SLC26A4: variants seen among roughly 807,000 people sequenced by gnomAD.
The protein encoded by SLC26A4 is solute carrier family 26 member 4, also known as pendrin.
A neutral mutation model predicts 90.4 loss-of-function variants in SLC26A4; 93 were observed. The ratio of observed to expected loss-of-function variants is 1.03; its 90% CI spans 0.87 to 1.22. The LOEUF (loss-of-function observed/expected upper bound fraction) is 1.22, where lower values mean the gene tolerates loss of function less well. Ranked by LOEUF, SLC26A4 falls within the 50% of genes most tolerant of loss-of-function variation. SLC26A4 has a pLI of 0.00. For synonymous variants in SLC26A4, 393 were observed against 354.6 expected, an observed-to-expected ratio of 1.11 and a Z score of -1.22; for missense variants, 1,127 against 946.2, an observed-to-expected ratio of 1.19 and a Z score of -2.51.
In SLC26A4 at chr7:107,678,063, G is replaced by A. The variant is rs116220621; in HGVS notation, c.765+2954G>A. ...CTAATGTGTTGGGATTATAGGTGTG[G>A]GCCACTGCACCTGGCCAATCCTTAG... On this transcript the variant is annotated intron_variant, in intron 6 of 20. Coordinates refer to ENST00000644269, the MANE Select transcript of SLC26A4 (RefSeq NM_000441.2). Among the ~76,000 whole-genome samples, 437 of 152,142 alleles carry A rather than the reference G, an allele frequency of 2.9e-3. 1 individual carries two copies. The highest frequency in any genetic ancestry group is 0.01 in the African/African-American group (426 of 41,482).
At chr7:107,671,237 G>A (rs537430927) in intron 3 of SLC26A4, among the ~76,000 whole-genome samples, 21 of 152,190 alleles carry the variant, frequency 1.4e-4, no homozygotes, top group African/African-American at 4.8e-4. Flanking sequence ...ATCATAGCTT[G>A]CTGTAACCTC....
chr7:107,684,140 C>A (rs1257546373), intron 8 of SLC26A4, among the ~76,000 whole-genome samples: 1 of 152,176 alleles, frequency 6.6e-6, no homozygotes, highest in African/African-American at 2.4e-5. Flanking sequence ...GAAGCCTCAA[C>A]TCAAGCTTAT....
intron 6 of SLC26A4, among the ~76,000 whole-genome samples, chr7:107,675,704 G>C (rs1290041518): frequency 6.6e-6 from 1 of 151,538 alleles, no homozygotes; most frequent in African/African-American, 2.4e-5. Context: ...CTCCTGAGTA[G>C]CTGGGATTAC....
chr7:107,696,840 A>G (rs1234249600), intron 13 of SLC26A4, among the ~76,000 whole-genome samples: 1 of 152,126 alleles, frequency 6.6e-6, no homozygotes, highest in African/African-American at 2.4e-5. Flanking sequence ...TCCCTCCTCA[A>G]TGTGTCCATC....
In SLC26A4 at chr7:107,702,000, G is replaced by T; in HGVS notation, c.1977G>T (p.Val659=). ...NVPKVPIHSL[V]LDCGAISFLD... is the part of the protein sequence containing the mutation. The stretch of plus-strand genomic sequence containing the variant: ...CCAAAGTGCCAATCCATAGCCTTGT[G>T]CTTGACTGTGGAGCTATATCTTTCC... Residue 659 remains valine, a synonymous_variant, in exon 17 of 21, where the codon GTG becomes GTT. Coordinates refer to ENST00000644269, the MANE Select transcript of SLC26A4 (RefSeq NM_000441.2). 1.2e-6 allele frequency: 2 copies of T among 1,614,096 alleles called. No homozygotes were observed. The highest frequency in any genetic ancestry group is 1.7e-6 in the Non-Finnish European group (2 of 1,179,980).
rs551927592 is a variant in SLC26A4, at chr7:107,696,381, A to G, written c.1544+342A>G. ...GCTGTGCTCTCCTTTTAGTTGTGGTAAGACTAAAAAGTACATAGTTTAGCC... is the reference window on the plus strand; with the variant it reads ...GCTGTGCTCTCCTTTTAGTTGTGGTGAGACTAAAAAGTACATAGTTTAGCC... On this transcript the variant is annotated intron_variant, in intron 13 of 20. Coordinates refer to ENST00000644269, the MANE Select transcript of SLC26A4 (RefSeq NM_000441.2). 2.6e-5 allele frequency among the ~76,000 whole-genome samples: 4 copies of G among 152,330 alleles called. No individual in the cohort carries two copies. In the South Asian group the frequency reaches 8.3e-4, roughly 32 times the overall value.
chr7:107,676,964 A>G (rs1486067371), intron 6 of SLC26A4, among the ~76,000 whole-genome samples: 3 of 152,322 alleles, frequency 2.0e-5, no homozygotes, highest in African/African-American at 7.2e-5. Flanking sequence ...ACTTGATCCC[A>G]TGAGTTCAAG....
rs786204739 is a variant in SLC26A4 at position 107,698,083 on chromosome 7, T to G, written c.1586T>G (p.Ile529Ser). The G allele has an allele frequency of 1.9e-6, 3 of 1,610,144 alleles. No homozygotes were observed. In the East Asian group the frequency reaches 6.7e-5, roughly 36 times the overall value. ...CTTGGAAGCATCCCTAGCACAGATA[T>G]CTACAAAAGTACCAAGAATTACAAA... Reference protein sequence around the residue: ...NGLGSIPSTDIYKSTKNYKNI... With the variant: ...NGLGSIPSTDSYKSTKNYKNI... The change falls in exon 14 of 21, where the codon ATC becomes AGC. Residue 529 changes from isoleucine to serine, a missense_variant. Ile to Ser is a moderately radical substitution (Grantham distance 142). Coordinates refer to ENST00000644269, the MANE Select transcript of SLC26A4 (RefSeq NM_000441.2).
rs1474513354 is a variant in SLC26A4 at position 107,704,357 on chromosome 7, T to C, written c.2061T>C (p.Asp687=). The C allele has an allele frequency of 7.1e-7, 1 of 1,403,902 alleles. No individual in the cohort carries two copies. 87.0% of individuals were successfully genotyped at this position (1,403,902 alleles called of 1,614,324 possible). ...RVIVKEFQRI[D]VNVYFASLQD... is the part of the protein sequence containing the mutation. ...TTGTCAAAGAATTCCAAAGAATTGATGTGAATGTGTATTTTGCATCACTTC... is the reference window on the plus strand; with the variant it reads ...TTGTCAAAGAATTCCAAAGAATTGACGTGAATGTGTATTTTGCATCACTTC... Residue 687 remains aspartate, a synonymous_variant, in exon 18 of 21, where the codon GAT becomes GAC. Coordinates refer to ENST00000644269, the MANE Select transcript of SLC26A4 (RefSeq NM_000441.2).
At chr7:107,669,917 A>G (rs181220231) in intron 3 of SLC26A4, among the ~76,000 whole-genome samples, 1 of 152,268 alleles carries the variant, frequency 6.6e-6, no homozygotes, top group East Asian at 1.9e-4. Context: ...ATTCAGGATA[A>G]TTGTTGCCTT....
At chr7:107,686,910 G>A (rs117136468) in intron 8 of SLC26A4, among the ~76,000 whole-genome samples, 258 of 152,280 alleles carry the variant, frequency 1.7e-3, no homozygotes, top group Admixed American at 4.1e-3. Context: ...CTTTGCAGTT[G>A]TACTTGAAAG....
chr7:107,683,607 C>G, intron 8 of SLC26A4, 70 bp downstream of exon 8: 2 of 1,196,252 alleles, frequency 1.7e-6, no homozygotes, highest in Non-Finnish European at 2.5e-6. Flanking sequence ...TTAAATAAAA[C>G]CTTTTATTAC....
In SLC26A4 at chr7:107,672,256, T is replaced by C. The variant is rs750966915; in HGVS notation, c.415+8T>C. The C allele has an allele frequency of 6.6e-7, 1 of 1,514,524 alleles. No individual in the cohort carries two copies. The highest frequency in any genetic ancestry group is 9.2e-7 in the Non-Finnish European group (1 of 1,089,720). The allele number at this position is 1,514,524 out of a possible 1,614,324, so 93.8% of individuals were successfully genotyped here. A position where few individuals can be genotyped will look rare whatever the true frequency, so the allele number is the denominator to read the frequency against. ...CAAGACATATCTCAGTTGGTAATTA[T>C]AAGTATATTTTACAATTATATTTGC... On this transcript the variant is annotated splice_region_variant and intron_variant, in intron 4 of 20. Coordinates refer to ENST00000644269, the MANE Select transcript of SLC26A4 (RefSeq NM_000441.2).
chr7:107,700,070 CT>C lies in SLC26A4; in HGVS notation c.1615-9del. On this transcript the variant is annotated splice_polypyrimidine_tract_variant and intron_variant, in intron 14 of 20. Coordinates refer to ENST00000644269, the MANE Select transcript of SLC26A4 (RefSeq NM_000441.2). Reference sequence around the variant, plus strand: ...GAAATTATTTAATCCCAGACAATTTCTTTTAATGCCAGATTGAAGAACCTCA... The same window carrying C: ...GAAATTATTTAATCCCAGACAATTTCTTTAATGCCAGATTGAAGAACCTCA... 1 of 1,412,802 alleles carries C rather than the reference CT, an allele frequency of 7.1e-7. No homozygotes were observed. Among genetic ancestry groups the C allele is most frequent in the South Asian group, 1.2e-5 (1 of 86,844 alleles). The allele number at this position is 1,412,802 out of a possible 1,614,324, so 87.5% of individuals were successfully genotyped here. A position where few individuals can be genotyped will look rare whatever the true frequency, so the allele number is the denominator to read the frequency against.
At chr7:107,664,014 T>A (rs1243111343) in intron 3 of SLC26A4, among the ~76,000 whole-genome samples, 1 of 150,838 alleles carries the variant, frequency 6.6e-6, no homozygotes, top group Non-Finnish European at 1.5e-5. Flanking sequence ...CACAATTCAA[T>A]AAGAAATGTG....
chr7:107,694,426 G>T lies in SLC26A4; in HGVS notation c.1287G>T (p.Ala429=). The change falls in exon 11 of 21, where the codon GCG becomes GCT. Residue 429 remains alanine, a synonymous_variant. Transcript: ENST00000644269. ...KTQVAGIISA[A]IVMIAILALG... ...AGGTTGCTGGCATCATCTCTGCTGCGATTGTGATGATCGCCATTCTTGCCC... is the reference window on the plus strand; with the variant it reads ...AGGTTGCTGGCATCATCTCTGCTGCTATTGTGATGATCGCCATTCTTGCCC... 1 of 1,613,604 alleles carries T rather than the reference G, an allele frequency of 6.2e-7. No individual in the cohort carries two copies. The highest frequency in any genetic ancestry group is 8.5e-7 in the Non-Finnish European group (1 of 1,179,630).
At chr7:107,686,405 TTTTCTTTC>T (rs774114215) in intron 8 of SLC26A4, among the ~76,000 whole-genome samples, 7,425 of 82,506 alleles carry the variant, frequency 0.09, 307 homozygotes, top group South Asian at 0.14. Flanking sequence ...TCTCTCTCTT[TTTTCTTTC>T]TTTCTTTCTT....
At chr7:107,691,299 C>T (rs766381994) in intron 10 of SLC26A4, among the ~76,000 whole-genome samples, 6 of 151,690 alleles carry the variant, frequency 4.0e-5, no homozygotes, top group Non-Finnish European at 7.4e-5. Flanking sequence ...GTCAGGAGTT[C>T]GAGACTAACA....
chr7:107,682,130 AT>A (rs72127521), intron 6 of SLC26A4, among the ~76,000 whole-genome samples: 9,199 of 73,294 alleles, frequency 0.13, 898 homozygotes, highest in African/African-American at 0.22. Flanking sequence ...AAAAAAAAAA[AT>A]TTTTTTTATG....
Sources: allele counts gnomAD v4.1 joint callset (sites outside exome capture counted in the v4.1 genomes callset), GRCh38; gene constraint gnomAD v4.1.1; transcripts MANE v1.5; gene names NCBI Gene and HGNC (gene_info 2026-07-23, HGNC 2026-07-21).